The following TTN variants were observed in gnomAD, a reference collection of about 807,000 sequenced individuals.
TTN encodes the protein titin.
A neutral mutation model predicts 3,223.0 loss-of-function variants in TTN; 1,525 were observed. The ratio of observed to expected loss-of-function variants is 0.47; its 90% CI spans 0.45 to 0.49. TTN has a LOEUF of 0.49. TTN is among the 20% of genes least tolerant of loss of function. TTN has a pLI of 0.00. For missense variants in TTN, 40,786 were observed against 43,424.0 expected (o/e 0.94, Z 5.40); for synonymous variants, 14,094 against 15,161.0 (o/e 0.93, Z 5.17).
rs55906845 is a variant in TTN at position 178,738,221 on chromosome 2, G to T, written c.14232C>A (p.Asp4744Glu). 2.3e-4 allele frequency: 379 copies of T among 1,613,646 alleles called. No homozygotes were observed. The highest frequency in any genetic ancestry group is 3.0e-4 in the Non-Finnish European group (356 of 1,179,764). The change falls in exon 49 of 363, where the codon GAC becomes GAA. Residue 4744 changes from aspartate to glutamate, a missense_variant. By Grantham distance (45) the Asp-to-Glu change is conservative. Transcript: ENST00000589042. The stretch of plus-strand genomic sequence containing the variant: ...ACTTTGAAGATCGAATAGAACACTT[G>T]TCACTCTCATAAATTTCTCGGCCAG... ...FKAGREIYES[D>E]KCSIRSSKYI...
In TTN at chr2:178,566,904, G is replaced by A; in HGVS notation, c.79228C>T (p.Pro26410Ser). 6.2e-7 allele frequency: 1 copy of A among 1,613,482 alleles called. No individual in the cohort carries two copies. Among genetic ancestry groups the A allele is most frequent in the African/African-American group, 1.3e-5 (1 of 74,970 alleles). Residue 26410 changes from proline to serine, a missense_variant, in exon 326 of 363, where the codon CCA becomes TCA. Pro to Ser is a moderately conservative substitution (Grantham distance 74). Coordinates refer to ENST00000589042, the MANE Select transcript of TTN (RefSeq NM_001267550.2). ...KDSMTVCWNR[P>S]DSDGGSEIIG... ...ATCTCACTTCCACCATCACTATCTG[G>A]ACGGTTCCAACAGACGGTCATGGAG...
At position 178,735,544 on chromosome 2, in the gene TTN, T is replaced by C. The variant is rs762238210; in HGVS notation, c.14902A>G (p.Ser4968Gly). Residue 4968 changes from serine to glycine, a missense_variant, in exon 50 of 363, where the codon AGC becomes GGC. Coordinates refer to ENST00000589042, the MANE Select transcript of TTN (RefSeq NM_001267550.2). ...GTGACTGTGGCTGAGCAGGAGCTGC[T>C]TCCAGCCTCATTTGAAGCTGTACAG... ...YVCTASNEAG[S>G]SSCSATVTVR... is the part of the protein sequence containing the mutation. The C allele has an allele frequency of 1.0e-5, 16 of 1,601,166 alleles. No homozygotes were observed. Among genetic ancestry groups the C allele is most frequent in the Non-Finnish European group, 1.3e-5 (15 of 1,174,936 alleles).
At chr2:178,544,588 C>A (rs1696157211) in intron 344 of TTN, 82 bp from the exon 345 acceptor site, 1 of 1,244,116 alleles carries the variant, frequency 8.0e-7, no homozygotes, top group Non-Finnish European at 1.1e-6. Context: ...TCAAGACTCA[C>A]AAAGGCATTA....
At position 178,595,582 on chromosome 2, in the gene TTN, T is replaced by A. The variant is rs1467911072; in HGVS notation, c.57772A>T (p.Ile19258Phe). ...LIQGKAYFFR[I>F]AAENSIGMGP... ...ATGCCAATACTATTTTCAGCCGCAA[T>A]TCGGAAAAAGTAGGCTTTTCCTTGA... Residue 19258 changes from isoleucine to phenylalanine, a missense_variant, in exon 295 of 363, where the codon ATT (isoleucine) becomes TTT (phenylalanine). Coordinates refer to ENST00000589042, the MANE Select transcript of TTN (RefSeq NM_001267550.2). 1.9e-6 allele frequency: 3 copies of A among 1,580,662 alleles called. No individual in the cohort carries two copies. In the Admixed American group the frequency reaches 5.4e-5, roughly 29 times the overall value.
In TTN at chr2:178,593,813, T is replaced by G; in HGVS notation, c.58487A>C (p.Tyr19496Ser). Reference protein sequence around the residue: ...PVSFDEVTKDYMVISWKPPLD... With the variant: ...PVSFDEVTKDSMVISWKPPLD... The stretch of plus-strand genomic sequence containing the variant: ...AGGAGGCTTCCAAGAGATAACCATG[T>G]AATCTTTGGTCACCTCATCAAAACT... The change falls in exon 298 of 363, where the codon TAC becomes TCC. Residue 19496 changes from tyrosine (Y) to serine (S), a missense_variant. Coordinates refer to ENST00000589042, the MANE Select transcript of TTN (RefSeq NM_001267550.2). 6.2e-7 allele frequency: 1 copy of G among 1,613,042 alleles called. No individual in the cohort carries two copies. Among genetic ancestry groups the G allele is most frequent in the African/African-American group, 1.3e-5 (1 of 74,994 alleles).
intron 326 of TTN, chr2:178,558,899 T>C: frequency 2.1e-6 from 1 of 474,840 alleles, no homozygotes; most frequent in Non-Finnish European, 3.7e-6. Context: ...AAATTCACCA[T>C]GGGGATAAAA....
At position 178,727,825 on chromosome 2, in the gene TTN, C is replaced by T; in HGVS notation, c.19753G>A (p.Ala6585Thr). 1 of 1,605,366 alleles carries T rather than the reference C, an allele frequency of 6.2e-7. No homozygotes were observed. The highest frequency in any genetic ancestry group is 8.5e-7 in the Non-Finnish European group (1 of 1,175,550). The change falls in exon 68 of 363, where the codon GCC becomes ACC. Residue 6585 changes from alanine (A) to threonine (T), a missense_variant. Ala to Thr is a moderately conservative substitution (Grantham distance 58, BLOSUM62 0). Transcript: ENST00000589042. ...AATTCCACTGTAGAATCAGGTATGG[C>T]TTGCTGTCGCCCAGGTTTCACTAGG... ...SFLVKPGRQQ[A>T]IPDSTVEFKA...
At chr2:178,721,225 C>T in intron 78 of TTN, 23 bp from the exon 79 acceptor site, 1 of 1,545,826 alleles carries the variant, frequency 6.5e-7, no homozygotes, top group South Asian at 1.2e-5. Context: ...ACAAAACAGT[C>T]AGTAAGGGAT....
In TTN at chr2:178,652,314, T is replaced by G. The variant is rs775008909; in HGVS notation, c.39161A>C (p.Lys13054Thr). The change falls in exon 203 of 363, where the codon AAG becomes ACG. Residue 13054 changes from lysine (K) to threonine (T), a missense_variant. By Grantham distance (78) the Lys-to-Thr change is moderately conservative. Transcript: ENST00000589042. Reference sequence around the variant, plus strand: ...TTTAGGAGGAGGCACTGGCACTTTCTTTTCAGGAACAACTTCTTTGGGAGC... The same window carrying G: ...TTTAGGAGGAGGCACTGGCACTTTCGTTTCAGGAACAACTTCTTTGGGAGC... ...PEAPKEVVPE[K>T]KVPVPPPKKP... is the part of the protein sequence containing the mutation. 6.2e-7 allele frequency: 1 copy of G among 1,613,764 alleles called. No individual in the cohort carries two copies. Among genetic ancestry groups the G allele is most frequent in the East Asian group, 2.2e-5 (1 of 44,868 alleles).
chr2:178,538,892 A>G, intron 353 of TTN, 53 bp from the exon 354 acceptor site: 1 of 1,576,906 alleles, frequency 6.3e-7, no homozygotes. Flanking sequence ...GTGAAATAAA[A>G]GGACCAAACA....
In TTN at chr2:178,609,521, A is replaced by T; in HGVS notation, c.51789T>A (p.Asp17263Glu). Residue 17263 changes from aspartate to glutamate, a missense_variant, in exon 273 of 363, where the codon GAT becomes GAA. Asp to Glu is a conservative substitution (Grantham distance 45, BLOSUM62 2). Transcript: ENST00000589042. Reference sequence around the variant, plus strand: ...AAATACTTGCATCAAGTGCTATTTCATCACCTCGTTTCACTTCTAGGCTTG... The same window carrying T: ...AAATACTTGCATCAAGTGCTATTTCTTCACCTCGTTTCACTTCTAGGCTTG... Reference protein sequence around the residue: ...LRTSLEVKRGDEIALDASISG... With the variant: ...LRTSLEVKRGEEIALDASISG... The T allele has an allele frequency of 6.2e-7, 1 of 1,612,508 alleles. No individual in the cohort carries two copies. The highest frequency in any genetic ancestry group is 8.5e-7 in the Non-Finnish European group (1 of 1,179,056).
chr2:178,640,576 G>A lies in TTN; in HGVS notation c.40688C>T (p.Thr13563Ile), dbSNP rs780572853. 1.0e-5 allele frequency: 16 copies of A among 1,599,658 alleles called. No homozygotes were observed. The Admixed American group carries it at 2.8e-4, about 28-fold the overall frequency. Residue 13563 changes from threonine to isoleucine, a missense_variant, in exon 221 of 363, where the codon ACA (threonine) becomes ATA (isoleucine). Physicochemically the swap from Thr to Ile is moderately conservative, Grantham distance 89. Transcript: ENST00000589042. Reference protein sequence around the residue: ...PVEEVEVPTVTKRERKIPEPT... With the variant: ...PVEEVEVPTVIKRERKIPEPT... The stretch of plus-strand genomic sequence containing the variant: ...TTCAGGAATCTTCCTTTCCCTTTTT[G>A]TAACAGTAGGTACTTCAACCTCTTC...
intron 198 of TTN, 32 bp downstream of exon 198, chr2:178,653,206 A>C: frequency 6.2e-7 from 1 of 1,607,108 alleles, no homozygotes; most frequent in South Asian, 1.1e-5. Context: ...AAAGAATTAG[A>C]TCATCTGAAG....
rs1559119971 is a variant in TTN, at chr2:178,543,149, A to G, written c.96824T>C (p.Phe32275Ser). 23 of 1,612,820 alleles carry G rather than the reference A, an allele frequency of 1.4e-5. No individual in the cohort carries two copies. The highest frequency in any genetic ancestry group is 1.9e-5 in the Non-Finnish European group (22 of 1,179,258). The change falls in exon 347 of 363, where the codon TTT becomes TCT. Residue 32275 changes from phenylalanine (F) to serine (S), a missense_variant. Coordinates refer to ENST00000589042, the MANE Select transcript of TTN (RefSeq NM_001267550.2). ...TSLNEGEQYL[F>S]RIRAQNEKGV... is the part of the protein sequence containing the mutation. ...TTTCTCATTTTGTGCCCTTATTCTA[A>G]ATAAGTATTGTTCACCTTCATTTAA...
At chr2:178,746,902 T>C (rs773036898) in intron 47 of TTN, 1 of 1,613,582 alleles carries the variant, frequency 6.2e-7, no homozygotes, top group South Asian at 1.1e-5. Flanking sequence ...GTGTACCAAA[T>C]GAATCGGAAC....
chr2:178,663,342 C>T lies in TTN; in HGVS notation c.36624G>A (p.Glu12208=). 1 of 1,590,446 alleles carries T rather than the reference C, an allele frequency of 6.3e-7. No individual in the cohort carries two copies. Among genetic ancestry groups the T allele is most frequent in the Non-Finnish European group, 8.5e-7 (1 of 1,173,024 alleles). The change falls in exon 173 of 363, where the codon GAG becomes GAA. Residue 12208 remains glutamate, a synonymous_variant. Transcript: ENST00000589042. ...TTTCTGGGACAGCTGCCTTTGGCAC[C>T]TCTGGGACTTTAAAGATATTAGTAT... ...KPEVPPTKVP[E]VPKAAVPEKK...
Position 178,649,574 on chromosome 2 carries a change from G to A in TTN, c.39953C>T (p.Pro13318Leu). 6.5e-7 allele frequency: 1 copy of A among 1,549,794 alleles called. No homozygotes were observed. Among genetic ancestry groups the A allele is most frequent in the Non-Finnish European group, 8.7e-7 (1 of 1,146,514 alleles). Residue 13318 changes from proline to leucine, a missense_variant, in exon 212 of 363, where the codon CCA becomes CTA. Pro to Leu is a moderately conservative substitution (Grantham distance 98). Coordinates refer to ENST00000589042, the MANE Select transcript of TTN (RefSeq NM_001267550.2). Reference sequence around the variant, plus strand: ...AATACCTTTAGCTGCTGGTGTTTCTGGCTTCTTAACAGTTGGGACCTTCTT... The same window carrying A: ...AATACCTTTAGCTGCTGGTGTTTCTAGCTTCTTAACAGTTGGGACCTTCTT... ...PVKKVPTVKKPETPAAKVPEV... is the reference protein window; with the variant it reads ...PVKKVPTVKKLETPAAKVPEV...
Position 178,631,019 on chromosome 2 carries a change from T to A in TTN, c.44014+15A>T, listed in dbSNP as rs876657605. ...CCCAATGCTTCAAGAGTGAAACTCA[T>A]GGAAATTTCCTTACCCTCAATGTCA... On this transcript the variant is annotated intron_variant, in intron 237 of 362. Transcript: ENST00000589042. The A allele has an allele frequency of 5.0e-6, 8 of 1,612,760 alleles. No homozygotes were observed. The highest frequency in any genetic ancestry group is 1.7e-5 in the Admixed American group (1 of 59,886).
At chr2:178,624,387 A>G in intron 242 of TTN, 78 bp downstream of exon 242, 1 of 1,589,182 alleles carries the variant, frequency 6.3e-7, no homozygotes. Context: ...AAGGGCATGC[A>G]AAAAGTGTTG....
Sources: gnomAD v4.1 joint callset for allele counts on GRCh38, gnomAD v4.1.1 for gene constraint, MANE v1.5 for transcripts, NCBI Gene and HGNC (gene_info 2026-07-23, HGNC 2026-07-21) for gene names.